FAM53A: variants seen among roughly 807,000 people sequenced by gnomAD.
FAM53A encodes the protein family with sequence similarity 53 member A.
Under a neutral mutation model 26.6 loss-of-function variants are expected in FAM53A, and 28 were observed. The ratio of observed to expected loss-of-function variants is 1.05; its 90% CI spans 0.78 to 1.45. The LOEUF is 1.45. FAM53A is among the 40% of genes most tolerant of loss of function. The probability of loss-of-function intolerance (pLI) is 0.00; values close to 1 mark genes in which losing one functional copy is unlikely to be tolerated. For synonymous variants in FAM53A, 290 were observed against 253.1 expected, an observed-to-expected ratio of 1.15 and a Z score of -1.38; for missense variants, 650 against 575.8, an observed-to-expected ratio of 1.13 and a Z score of -1.32.
intron 2 of FAM53A, among the ~76,000 whole-genome samples, chr4:1,662,518 C>A (rs990187566): frequency 4.3e-5 from 6 of 139,370 alleles, no homozygotes; most frequent in South Asian, 2.3e-4. Context: ...GGTGTGGTCA[C>A]ACATGTCTGT....
At chr4:1,685,142 T>C (rs960384195), upstream of FAM53A, among the ~76,000 whole-genome samples, 3 of 152,064 alleles carry the variant, frequency 2.0e-5, no homozygotes, top group Admixed American at 6.5e-5. Context: ...CGGCCAGGTG[T>C]GCTGGCCCTG....
chr4:1,590,509 C>G, the FAM53A span, among the ~76,000 whole-genome samples: 1 of 152,058 alleles, frequency 6.6e-6, no homozygotes, highest in Non-Finnish European at 1.5e-5. Context: ...CCATTCCTTG[C>G]TCTCTCAAGC....
At chr4:1,661,076 T>G (rs1713800313) in intron 2 of FAM53A, among the ~76,000 whole-genome samples, 1 of 151,070 alleles carries the variant, frequency 6.6e-6, no homozygotes, top group Admixed American at 6.6e-5. Context: ...GCCTCCTCTC[T>G]CCCCTACCCT....
At chr4:1,583,305 C>T in the FAM53A span, among the ~76,000 whole-genome samples, 3,218 of 152,230 alleles carry the variant, frequency 0.021, 116 homozygotes, top group African/African-American at 0.072. Context: ...GCAAAGGAAG[C>T]GGGGTCCCAG....
intron 2 of FAM53A, among the ~76,000 whole-genome samples, chr4:1,666,317 CCT>C (rs34170972): frequency 5.8e-4 from 16 of 27,590 alleles, no homozygotes; most frequent in Non-Finnish European, 6.1e-4. Flanking sequence ...ACCTGCACCC[CCT>C]GTATCTAAAA....
intron 4 of FAM53A, among the ~76,000 whole-genome samples, chr4:1,653,454 T>G (rs1404157435): frequency 2.6e-5 from 4 of 152,150 alleles, no homozygotes; most frequent in Admixed American, 2.0e-4. Flanking sequence ...CACAACGTGC[T>G]GAGCCGGCAG....
chr4:1,653,216 C>T (rs1050674013), intron 4 of FAM53A, among the ~76,000 whole-genome samples: 8 of 152,112 alleles, frequency 5.3e-5, no homozygotes, highest in Non-Finnish European at 1.5e-5. Context: ...ACCACACACC[C>T]GGGTGTCCAT....
the FAM53A span, among the ~76,000 whole-genome samples, chr4:1,580,435 C>T: frequency 6.6e-6 from 1 of 152,188 alleles, no homozygotes; most frequent in Admixed American, 6.5e-5. Flanking sequence ...AGATCTAAGG[C>T]TGGGGCAGAA....
chr4:1,649,470 G>C (rs891941188), intron 4 of FAM53A, among the ~76,000 whole-genome samples: 1 of 152,214 alleles, frequency 6.6e-6, no homozygotes. Flanking sequence ...AGTGGAGCCC[G>C]ATCCTCCTCC....
chr4:1,638,410 C>T (rs1255361128), downstream of FAM53A, among the ~76,000 whole-genome samples: 1 of 152,162 alleles, frequency 6.6e-6, no homozygotes, highest in South Asian at 2.1e-4. Flanking sequence ...ACCGGCTGCA[C>T]TGCCCCACCG....
At chr4:1,614,605 C>T (rs978141858), downstream of FAM53A, among the ~76,000 whole-genome samples, 8 of 152,090 alleles carry the variant, frequency 5.3e-5, no homozygotes, top group Non-Finnish European at 1.0e-4. Flanking sequence ...GAGGACGGGG[C>T]GCCAGGTCAG....
In FAM53A at chr4:1,650,755, C is replaced by A. The variant is rs111506907; in HGVS notation, c.882+4223G>T. On this transcript the variant is annotated intron_variant, in intron 4 of 4. Coordinates refer to ENST00000308132, the MANE Select transcript of FAM53A (RefSeq NM_001174070.3). ...AAATGATCCACCCGCCTCAGCCTCC[C>A]AAGGTGCTGGGATTACAGGCGTGAG... 6.6e-5 allele frequency among the ~76,000 whole-genome samples: 10 copies of A among 151,444 alleles called. 2 individuals carry two copies. The highest frequency in any genetic ancestry group is 2.2e-4 in the African/African-American group (9 of 41,362).
At chr4:1,616,843 G>A (rs758419881), downstream of FAM53A, among the ~76,000 whole-genome samples, 1 of 152,160 alleles carries the variant, frequency 6.6e-6, no homozygotes, top group Non-Finnish European at 1.5e-5. Flanking sequence ...CTCAAATTAA[G>A]TTTCACTTAT....
chr4:1,632,956 C>A (rs1288485569), intron 1 of FAM53A, among the ~76,000 whole-genome samples: 1 of 152,256 alleles, frequency 6.6e-6, no homozygotes, highest in Non-Finnish European at 1.5e-5. Context: ...CGTGCACAGA[C>A]ATACATGCAT....
At chr4:1,612,505 ACAC>A in the FAM53A span, among the ~76,000 whole-genome samples, 2 of 152,140 alleles carry the variant, frequency 1.3e-5, no homozygotes, top group Admixed American at 1.3e-4. Context: ...ATGCTCACAC[ACAC>A]CACACATGCA....
the FAM53A span, among the ~76,000 whole-genome samples, chr4:1,611,963 G>C: frequency 6.6e-6 from 1 of 152,172 alleles, no homozygotes; most frequent in African/African-American, 2.4e-5. Flanking sequence ...AGAATGTATC[G>C]CACAAATCAT....
chr4:1,608,667 G>A, the FAM53A span, among the ~76,000 whole-genome samples: 5 of 152,054 alleles, frequency 3.3e-5, no homozygotes, highest in African/African-American at 7.3e-5. Flanking sequence ...GCTTAGTAAC[G>A]GCTCCGGCAC....
the FAM53A span, among the ~76,000 whole-genome samples, chr4:1,592,590 C>T: frequency 6.6e-6 from 1 of 152,184 alleles, no homozygotes; most frequent in African/African-American, 2.4e-5. Context: ...CGGTTCTGCA[C>T]CCCCTGCCCA....
the FAM53A span, among the ~76,000 whole-genome samples, chr4:1,606,656 G>A: frequency 3.3e-5 from 5 of 152,196 alleles, no homozygotes; most frequent in East Asian, 1.9e-4. Flanking sequence ...ATGGTGTCCC[G>A]AAGGTGCGCC....
Sources: allele counts gnomAD v4.1 joint callset (sites outside exome capture counted in the v4.1 genomes callset), GRCh38; gene constraint gnomAD v4.1.1; transcripts MANE v1.5; gene names NCBI Gene and HGNC (gene_info 2026-07-23, HGNC 2026-07-21).